The following DCDC2C variants were observed in gnomAD, a reference collection of about 807,000 sequenced individuals.
DCDC2C encodes doublecortin domain containing 2C.
A neutral mutation model predicts 45.0 loss-of-function variants in DCDC2C; 44 were observed. The observed-to-expected ratio is 0.98, with a 90% CI of 0.77 to 1.26. The LOEUF (loss-of-function observed/expected upper bound fraction) is 1.26, where lower values mean the gene tolerates loss of function less well. Ranked by LOEUF, DCDC2C falls within the 50% of genes most tolerant of loss-of-function variation. The pLI is 0.00. For synonymous variants in DCDC2C, 187 were observed against 178.8 expected (o/e 1.05, Z -0.37); for missense variants, 447 against 468.9 (o/e 0.95, Z 0.43).
chr2:3,706,061 T>C lies in DCDC2C; in HGVS notation c.287+2023T>C, dbSNP rs891944201. ...GAGTCTGAAATTGGAATTCAGACTT[T>C]GGTGAACAAAGCTCTGAAAAATGTG... On this transcript the variant is annotated intron_variant, in intron 1 of 10. Transcript: ENST00000399143. 6.6e-5 allele frequency among the ~76,000 whole-genome samples: 10 copies of C among 152,218 alleles called. 1 individual carries two copies. In the East Asian group the frequency reaches 9.6e-4, roughly 15 times the overall value.
chr2:3,759,367 C>G (rs1359081156), intron 6 of DCDC2C, among the ~76,000 whole-genome samples: 1 of 152,144 alleles, frequency 6.6e-6, no homozygotes, highest in African/African-American at 2.4e-5. Context: ...AATAGAACTT[C>G]TAGGAAATTA....
intron 2 of DCDC2C, 100 bp from the exon 3 acceptor site, chr2:3,726,903 C>T (rs1002989254): frequency 2.0e-5 from 22 of 1,076,666 alleles, no homozygotes; most frequent in Admixed American, 1.5e-4. Flanking sequence ...GGGGTTCCCC[C>T]CCTTTCTTAT....
rs1668545567 is a variant in DCDC2C, at chr2:3,723,294, A to G, written c.340-3709A>G. ...ATGGAAGCAAATACACAAACAAGAA[A>G]GCAGAGGCAGGATGAAGTGCTTGGA... On this transcript the variant is annotated intron_variant, in intron 2 of 10. Transcript: ENST00000399143. 1.3e-5 allele frequency among the ~76,000 whole-genome samples: 2 copies of G among 152,234 alleles called. 1 individual carries two copies. The highest frequency in any genetic ancestry group is 4.1e-4 in the South Asian group (2 of 4,832).
intron 10 of DCDC2C, among the ~76,000 whole-genome samples, chr2:3,820,917 A>G (rs181148240): frequency 3.6e-4 from 55 of 152,298 alleles, no homozygotes; most frequent in Admixed American, 1.3e-3. Flanking sequence ...AGTCTCCAGA[A>G]GGAGTCCTCC....
chr2:3,708,618 A>T lies in DCDC2C; in HGVS notation c.339+18A>T, dbSNP rs1668129743. 2 of 1,539,608 alleles carry T rather than the reference A, an allele frequency of 1.3e-6. No homozygotes were observed. The highest frequency in any genetic ancestry group is 1.8e-6 in the Non-Finnish European group (2 of 1,139,384). On this transcript the variant is annotated intron_variant, in intron 2 of 10. Coordinates refer to ENST00000399143, the MANE Select transcript of DCDC2C (RefSeq NM_001287444.2). Reference sequence around the variant, plus strand: ...TGAAGGAAGTAAGTGTTTGCTTCTAACAACTAATAATGGAATAAATTGGCC... The same window carrying T: ...TGAAGGAAGTAAGTGTTTGCTTCTATCAACTAATAATGGAATAAATTGGCC...
At chr2:3,838,481 A>AGG (rs552136636) in intron 10 of DCDC2C, among the ~76,000 whole-genome samples, 1 of 147,192 alleles carries the variant, frequency 6.8e-6, no homozygotes, top group Admixed American at 6.8e-5. Flanking sequence ...AGAGAGAGAG[A>AGG]GACCAAACAC....
Position 3,816,506 on chromosome 2 carries a change from C to T in DCDC2C, c.1066-30648C>T, listed in dbSNP as rs911586891. Reference sequence around the variant, plus strand: ...GGAAGAAAGAGAAATGCAAAGCCAGCCATTGTTTGTTAAAGGATTAGAAAC... The same window carrying T: ...GGAAGAAAGAGAAATGCAAAGCCAGTCATTGTTTGTTAAAGGATTAGAAAC... On this transcript the variant is annotated intron_variant, in intron 10 of 10. Transcript: ENST00000399143. Among the ~76,000 whole-genome samples, 12 of 152,088 alleles carry T rather than the reference C, an allele frequency of 7.9e-5. No homozygotes were observed. In the South Asian group the frequency reaches 1.2e-3, roughly 16 times the overall value.
rs142964177 is a variant in DCDC2C at position 3,753,748 on chromosome 2, G to A, written c.684-844G>A. ...GAGTGCTTGAACCTCCACTGAGGGC[G>A]CAGCGTCCGGGATGGCCTCCTCCTA... On this transcript the variant is annotated intron_variant, in intron 5 of 10. Transcript: ENST00000399143. Among the ~76,000 whole-genome samples, 28 of 152,248 alleles carry A rather than the reference G, an allele frequency of 1.8e-4. No individual in the cohort carries two copies. The East Asian group carries it at 5.4e-3, about 29-fold the overall frequency.
At chr2:3,727,477 T>A (rs1394232174) in intron 3 of DCDC2C, among the ~76,000 whole-genome samples, 6 of 152,104 alleles carry the variant, frequency 3.9e-5, no homozygotes, top group Non-Finnish European at 7.3e-5. Context: ...TGAAGGGAAA[T>A]TTAAAAGCTG....
At chr2:3,714,264 G>T (rs1237697515) in intron 2 of DCDC2C, among the ~76,000 whole-genome samples, 1 of 152,188 alleles carries the variant, frequency 6.6e-6, no homozygotes, top group African/African-American at 2.4e-5. Flanking sequence ...ATTTGAAGTT[G>T]CACTTCATTA....
intron 2 of DCDC2C, among the ~76,000 whole-genome samples, chr2:3,725,622 C>CA (rs1668639311): frequency 8.1e-6 from 1 of 124,170 alleles, no homozygotes; most frequent in African/African-American, 3.1e-5. Context: ...AGGGAGACCG[C>CA]CAGAGTGACG....
At chr2:3,836,882 C>T (rs997451662) in intron 10 of DCDC2C, among the ~76,000 whole-genome samples, 4 of 143,140 alleles carry the variant, frequency 2.8e-5, no homozygotes, top group Admixed American at 2.8e-4. Context: ...AAAAAGAGTA[C>T]ACTGGTCTTC....
At chr2:3,736,682 T>C (rs949006623) in intron 3 of DCDC2C, among the ~76,000 whole-genome samples, 1 of 152,206 alleles carries the variant, frequency 6.6e-6, no homozygotes, top group Non-Finnish European at 1.5e-5. Context: ...GGTTTTTTCC[T>C]GATGATTTCA....
chr2:3,772,130 T>G (rs10181689), intron 8 of DCDC2C, among the ~76,000 whole-genome samples: 1 of 152,236 alleles, frequency 6.6e-6, no homozygotes, highest in East Asian at 1.9e-4. Context: ...AGTAAATGTA[T>G]GAATTTGGAG....
chr2:3,844,470 T>A (rs1337247482), intron 10 of DCDC2C: 1 of 150,410 alleles, frequency 6.6e-6, no homozygotes, highest in Non-Finnish European at 1.5e-5. Context: ...GAGTTGCCCA[T>A]GTAGCCATGC....
intron 9 of DCDC2C, 66 bp downstream of exon 9, chr2:3,778,950 C>G (rs1012679045): frequency 5.5e-6 from 8 of 1,446,902 alleles, no homozygotes; most frequent in Non-Finnish European, 2.8e-6. Flanking sequence ...GAACAGAGCT[C>G]ACGTTTGGTG....
intron 8 of DCDC2C, among the ~76,000 whole-genome samples, chr2:3,776,966 T>G (rs958974915): frequency 6.6e-6 from 1 of 152,132 alleles, no homozygotes; most frequent in African/African-American, 2.4e-5. Context: ...GACTCTGTAG[T>G]TTTACCTCCT....
At chr2:3,707,440 G>A (rs1668092600) in intron 1 of DCDC2C, among the ~76,000 whole-genome samples, 2 of 152,180 alleles carry the variant, frequency 1.3e-5, no homozygotes, top group Admixed American at 6.5e-5. Context: ...AGTGAAGAGT[G>A]CATACAAGGG....
intron 3 of DCDC2C, among the ~76,000 whole-genome samples, chr2:3,727,385 C>A (rs1324802448): frequency 3.3e-5 from 5 of 152,206 alleles, no homozygotes; most frequent in Non-Finnish European, 7.3e-5. Context: ...AAGATAAGAG[C>A]ATCATACACA....
Sources: gnomAD v4.1 joint callset for allele counts (sites outside exome capture counted in the v4.1 genomes callset) on GRCh38, gnomAD v4.1.1 for gene constraint, MANE v1.5 for transcripts, NCBI Gene and HGNC (gene_info 2026-07-23, HGNC 2026-07-21) for gene names.